Variants in BICDL1 observed in about 807,000 individuals in gnomAD.
BICDL1 encodes the protein BICD family like cargo adaptor 1.
In BICDL1, 20 loss-of-function variants were observed where a neutral mutation model predicts 76.8. The ratio of observed to expected loss-of-function variants is 0.26; its 90% CI spans 0.18 to 0.38. The LOEUF (loss-of-function observed/expected upper bound fraction) is 0.38. BICDL1 is among the 10% of genes least tolerant of loss of function. The probability of loss-of-function intolerance (pLI) is 1.00; values close to 1 mark genes in which losing one functional copy is unlikely to be tolerated. For missense variants in BICDL1, 700 were observed against 798.6 expected (o/e 0.88, Z 1.49); for synonymous variants, 383 against 337.1 (o/e 1.14, Z -1.49).
chr12:120,005,070 C>T lies in BICDL1; in HGVS notation c.645+6334C>T, dbSNP rs570564397. ...ACTCCTTGACCTCAGGTGATCTGCC[C>T]ACCTCGGCCTCGAAAAGTGCTGGGA... On this transcript the variant is annotated intron_variant, in intron 2 of 9. Transcript: ENST00000548673. 2.0e-5 allele frequency among the ~76,000 whole-genome samples: 3 copies of T among 152,248 alleles called. No individual in the cohort carries two copies. In the South Asian group the frequency reaches 6.2e-4, roughly 32 times the overall value.
chr12:120,037,920 G>T (rs1952557503), intron 2 of BICDL1, among the ~76,000 whole-genome samples: 1 of 152,206 alleles, frequency 6.6e-6, no homozygotes, highest in Non-Finnish European at 1.5e-5. Flanking sequence ...TCACTTGGCA[G>T]GGAGCAAACT....
intron 4 of BICDL1, among the ~76,000 whole-genome samples, chr12:120,070,619 G>GT (rs1483163671): frequency 4.6e-5 from 7 of 152,070 alleles, no homozygotes; most frequent in Admixed American, 1.3e-4. Flanking sequence ...AAAATGCCCA[G>GT]TGAGTGTTCA....
chr12:120,041,951 T>G (rs1182843125), intron 2 of BICDL1, among the ~76,000 whole-genome samples: 2 of 152,068 alleles, frequency 1.3e-5, no homozygotes, highest in East Asian at 3.9e-4. Flanking sequence ...TAAGAAAGCT[T>G]CTAGAGGGTT....
At chr12:120,089,832 T>C in intron 8 of BICDL1, 119 bp from the exon 9 acceptor site, 3 of 1,183,122 alleles carry the variant, frequency 2.5e-6, no homozygotes. Context: ...AGCTGCTATT[T>C]GTTGTGAGTT....
intron 3 of BICDL1, 65 bp from the exon 4 acceptor site, chr12:120,064,668 C>T: frequency 6.6e-7 from 1 of 1,517,708 alleles, no homozygotes; most frequent in African/African-American, 1.4e-5. Context: ...GGGGCTAGTC[C>T]CTAGTTCCTA....
At chr12:120,085,868 G>T (rs1308649747) in intron 8 of BICDL1, among the ~76,000 whole-genome samples, 2 of 148,846 alleles carry the variant, frequency 1.3e-5, no homozygotes, top group Non-Finnish European at 3.0e-5. Context: ...CCTTCTCTCA[G>T]ACAAGAAGCT....
rs1314995464 is a variant in BICDL1 at position 119,998,676 on chromosome 12, A to C, written c.585A>C (p.Lys195Asn). 6.2e-7 allele frequency: 1 copy of C among 1,614,190 alleles called. No individual in the cohort carries two copies. The highest frequency in any genetic ancestry group is 1.3e-5 in the African/African-American group (1 of 75,044). ...ATCTGCGGGAAGCAGATCGAGAAAA[A>C]TCACGGGCTGTCCAGGAACTGTCGG... ...QIHLREADRE[K>N]SRAVQELSEQ... The change falls in exon 2 of 10, where the codon AAA (lysine) becomes AAC (asparagine). Residue 195 changes from lysine (K) to asparagine (N), a missense_variant. By Grantham distance (94) the Lys-to-Asn change is moderately conservative. Coordinates refer to ENST00000548673, the MANE Select transcript of BICDL1 (RefSeq NM_001367886.1).
intron 2 of BICDL1, among the ~76,000 whole-genome samples, chr12:120,021,024 T>G (rs1429724499): frequency 6.6e-6 from 1 of 152,178 alleles, no homozygotes; most frequent in Non-Finnish European, 1.5e-5. Flanking sequence ...TGTCTACACC[T>G]GTAATCCCAA....
At chr12:119,990,370 G>A (rs564543241) in intron 1 of BICDL1, 73 bp downstream of exon 1, 2 of 1,523,144 alleles carry the variant, frequency 1.3e-6, no homozygotes, top group East Asian at 2.5e-5. Context: ...GGGCAGTTAG[G>A]GAACCACTCA....
chr12:119,998,863 T>C lies in BICDL1; in HGVS notation c.645+127T>C, dbSNP rs919699972. 1.9e-4 allele frequency: 156 copies of C among 825,506 alleles called. 1 individual carries two copies. The highest frequency in any genetic ancestry group is 9.9e-4 in the Middle Eastern group (3 of 3,044). The allele number at this position is 825,506 out of a possible 1,614,324, so 51.1% of individuals were successfully genotyped here. A position where few individuals can be genotyped will look rare whatever the true frequency, so the allele number is the denominator to read the frequency against. ...GTGGGAGAAGCACTTCAGACCAATC[T>C]GGGCAACACAGGGAGACCTCATCTC... On this transcript the variant is annotated intron_variant, in intron 2 of 9. Coordinates refer to ENST00000548673, the MANE Select transcript of BICDL1 (RefSeq NM_001367886.1).
In BICDL1 at chr12:120,082,159, G is replaced by A. The variant is rs75870921; in HGVS notation, c.1583+1142G>A. On this transcript the variant is annotated intron_variant, in intron 8 of 9. Transcript: ENST00000548673. ...ATTACATTTATTTGTTGAAGAAAGT[G>A]GATCATTTCTCTCATAGATTTGCTG... Among the ~76,000 whole-genome samples, 893 of 152,222 alleles carry A rather than the reference G, an allele frequency of 5.9e-3. 9 individuals are homozygous for A. The highest frequency in any genetic ancestry group is 0.02 in the African/African-American group (817 of 41,530).
At chr12:120,004,381 G>A (rs1403505318) in intron 2 of BICDL1, among the ~76,000 whole-genome samples, 1 of 152,112 alleles carries the variant, frequency 6.6e-6, no homozygotes, top group African/African-American at 2.4e-5. Flanking sequence ...TGTTTTGGGA[G>A]CATTGTATAA....
chr12:120,071,707 G>A lies in BICDL1; in HGVS notation c.995G>A (p.Arg332Lys). 6.2e-7 allele frequency: 1 copy of A among 1,612,372 alleles called. No individual in the cohort carries two copies. The highest frequency in any genetic ancestry group is 8.5e-7 in the Non-Finnish European group (1 of 1,179,768). The part of the protein sequence containing the change: ...QVKVEELTEE[R>K]SLQSSAATST... Reference sequence around the variant, plus strand: ...AAGGTGGAAGAACTCACTGAGGAGAGGAGTCTGCAGAGCTCTGCCGCCACC... The same window carrying A: ...AAGGTGGAAGAACTCACTGAGGAGAAGAGTCTGCAGAGCTCTGCCGCCACC... The change falls in exon 5 of 10, where the codon AGG becomes AAG. Residue 332 changes from arginine (R) to lysine (K), a missense_variant. Physicochemically the swap from Arg to Lys is conservative, Grantham distance 26. Transcript: ENST00000548673. This position sits in a 1 kb window ranked among gnomAD's most constrained non-coding sequence, Gnocchi z 4.8.
intron 8 of BICDL1, among the ~76,000 whole-genome samples, chr12:120,082,544 G>A (rs1874073092): frequency 6.6e-6 from 1 of 151,298 alleles, no homozygotes; most frequent in African/African-American, 2.4e-5. Flanking sequence ...ATGAGCCACT[G>A]TGCCCAGCCA....
At chr12:120,053,345 A>G (rs1408292361) in intron 2 of BICDL1, among the ~76,000 whole-genome samples, 1 of 152,118 alleles carries the variant, frequency 6.6e-6, no homozygotes, top group African/African-American at 2.4e-5. Flanking sequence ...CGGCCTTCCA[A>G]AGTGCTGGGA....
intron 1 of BICDL1, among the ~76,000 whole-genome samples, chr12:119,991,725 C>T (rs1286077577): frequency 6.6e-6 from 1 of 152,114 alleles, no homozygotes; most frequent in African/African-American, 2.4e-5. Context: ...ATTGAAGAGA[C>T]AGCTGACTTG....
chr12:120,057,944 C>T (rs1242304247), intron 2 of BICDL1, among the ~76,000 whole-genome samples: 4 of 151,416 alleles, frequency 2.6e-5, no homozygotes, highest in Non-Finnish European at 1.5e-5. Flanking sequence ...CATTCTCCTG[C>T]CTCAGCCTCC....
At chr12:120,026,449 A>G (rs1952304208) in intron 2 of BICDL1, among the ~76,000 whole-genome samples, 1 of 152,226 alleles carries the variant, frequency 6.6e-6, no homozygotes, top group Non-Finnish European at 1.5e-5. Context: ...AAAAAAAATA[A>G]TATTGTCATT....
intron 2 of BICDL1, among the ~76,000 whole-genome samples, chr12:120,007,460 C>A (rs1001875643): frequency 1.3e-5 from 2 of 152,170 alleles, no homozygotes; most frequent in Non-Finnish European, 2.9e-5. Context: ...CCCCACCCCC[C>A]ACGTACACAC....
Sources: allele counts gnomAD v4.1 joint callset (sites outside exome capture counted in the v4.1 genomes callset), GRCh38; gene constraint gnomAD v4.1.1; non-coding constraint Gnocchi (gnomAD v3.1); transcripts MANE v1.5; gene names NCBI Gene and HGNC (gene_info 2026-07-23, HGNC 2026-07-21).